Variants in ERMP1 observed in about 807,000 individuals in gnomAD.
The protein encoded by ERMP1 is Felix-ina.
In ERMP1, 86 loss-of-function variants were observed where a neutral mutation model predicts 92.0. The observed-to-expected ratio is 0.93, with a 90% confidence interval of 0.79 to 1.12. The LOEUF (loss-of-function observed/expected upper bound fraction) is 1.12. Ranked by LOEUF, ERMP1 falls within the 50% of genes most tolerant of loss-of-function variation. The pLI is 0.00. For synonymous variants in ERMP1, 530 were observed against 412.8 expected, an observed-to-expected ratio of 1.28 and a Z score of -3.44; for missense variants, 1,342 against 1,116.3, an observed-to-expected ratio of 1.20 and a Z score of -2.88.
chr9:5,841,861 T>A (rs1373953852), intron 6 of ERMP1, among the ~76,000 whole-genome samples: 2 of 151,902 alleles, frequency 1.3e-5, no homozygotes, highest in Non-Finnish European at 2.9e-5. Flanking sequence ...ATGGTGTGTC[T>A]GGAGTTTCTT....
At chr9:5,820,628 T>C (rs1829496729) in intron 4 of ERMP1, among the ~76,000 whole-genome samples, 1 of 152,122 alleles carries the variant, frequency 6.6e-6, no homozygotes, top group African/African-American at 2.4e-5. Flanking sequence ...CACTAAAAAC[T>C]CCCCAAATGA....
At chr9:5,844,039 G>A (rs1830203631) in intron 6 of ERMP1, among the ~76,000 whole-genome samples, 1 of 152,100 alleles carries the variant, frequency 6.6e-6, no homozygotes, top group African/African-American at 2.4e-5. Context: ...AAGTATGATG[G>A]CATTTCCGGG....
At position 5,810,092 on chromosome 9, in the gene ERMP1, A is replaced by G; in HGVS notation, c.1467T>C (p.Tyr489=). 1 of 1,614,056 alleles carries G rather than the reference A, an allele frequency of 6.2e-7. No homozygotes were observed. The highest frequency in any genetic ancestry group is 8.5e-7 in the Non-Finnish European group (1 of 1,179,904). The change falls in exon 8 of 15, where the codon TAT becomes TAC. Residue 489 remains tyrosine, a synonymous_variant. Transcript: ENST00000339450. ...CAGTTCCATACAGACAAACGGAGAC[A>G]TAGAAGTGGTTATACCATGAGAGAG... The part of the protein sequence containing the change: ...GQSLSWYNHF[Y]VSVCLYGTAT...
intron 4 of ERMP1, among the ~76,000 whole-genome samples, chr9:5,817,420 C>T (rs987721403): frequency 6.6e-6 from 1 of 151,780 alleles, no homozygotes; most frequent in Non-Finnish European, 1.5e-5. Context: ...GAACTCCTGA[C>T]CTCAGGTGAT....
At chr9:5,810,268 T>C in intron 7 of ERMP1, 37 bp from the exon 8 acceptor site, 1 of 1,497,970 alleles carries the variant, frequency 6.7e-7, no homozygotes, top group Non-Finnish European at 9.3e-7. Flanking sequence ...AATCACCATC[T>C]TCATCAAATC....
intron 8 of ERMP1, among the ~76,000 whole-genome samples, chr9:5,806,460 C>A (rs1241163433): frequency 2.0e-5 from 3 of 150,212 alleles, no homozygotes; most frequent in Admixed American, 2.0e-4. Context: ...CAGGTTCTCG[C>A]TCTGTCGCCT....
chr9:5,832,683 C>G lies in ERMP1; in HGVS notation c.338+7G>C. 1 of 1,428,834 alleles carries G rather than the reference C, an allele frequency of 7.0e-7. No individual in the cohort carries two copies. Among genetic ancestry groups the G allele is most frequent in the Non-Finnish European group, 9.1e-7 (1 of 1,097,724 alleles). 88.5% of individuals were successfully genotyped at this position (1,428,834 alleles called of 1,614,324 possible). A position where few individuals can be genotyped will look rare whatever the true frequency, so the allele number is the denominator to read the frequency against. ...CGCGGGCCGTGCCAGGAGGGAGCGG[C>G]CGGTACCTGGCTTGGAGCGCGTCGA... On this transcript the variant is annotated splice_region_variant and intron_variant, in intron 1 of 14. Coordinates refer to ENST00000339450, the MANE Select transcript of ERMP1 (RefSeq NM_024896.3).
chr9:5,809,272 A>G (rs956072040), intron 8 of ERMP1, among the ~76,000 whole-genome samples: 56 of 152,184 alleles, frequency 3.7e-4, no homozygotes, highest in Admixed American at 1.0e-3. Flanking sequence ...CGCCCACCTC[A>G]GCCTCCCAAA....
In ERMP1 at chr9:5,787,038, A is replaced by T. The variant is rs1827968263; in HGVS notation, c.*106T>A. On this transcript the variant is annotated 3_prime_UTR_variant, in exon 15 of 15. Coordinates refer to ENST00000339450, the MANE Select transcript of ERMP1 (RefSeq NM_024896.3). ...ACCCAGAAAGCTCTTTGAACATATG[A>T]TCATTAAAATTCATTGACTTACGTT... 1.7e-6 allele frequency: 2 copies of T among 1,159,592 alleles called. No individual in the cohort carries two copies. 71.8% of individuals were successfully genotyped at this position (1,159,592 alleles called of 1,614,324 possible).
At position 5,850,108 on chromosome 9, in the gene ERMP1, G is replaced by C. The variant is rs183948825; in HGVS notation, n.3199+9360C>G. Reference sequence around the variant, plus strand: ...TGTTATCAGAGCAGGCCAGGGCCCAGGTCTCCCCCCCTTTACACTCTGTGG... The same window carrying C: ...TGTTATCAGAGCAGGCCAGGGCCCACGTCTCCCCCCCTTTACACTCTGTGG... On this transcript the variant is annotated intron_variant and non_coding_transcript_variant, in intron 6 of 6. Coordinates refer to the ERMP1 transcript ENST00000690753. Among the ~76,000 whole-genome samples, 7 of 152,262 alleles carry C rather than the reference G, an allele frequency of 4.6e-5. No individual in the cohort carries two copies. In the East Asian group the frequency reaches 1.3e-3, roughly 29 times the overall value.
chr9:5,789,846 CCTT>C (rs2131197450), intron 13 of ERMP1, among the ~76,000 whole-genome samples: 1 of 96,654 alleles, frequency 1.0e-5, no homozygotes, highest in East Asian at 4.8e-4. Context: ...ACAAACCTGG[CCTT>C]TTTTTTTTTT....
intron 11 of ERMP1, among the ~76,000 whole-genome samples, chr9:5,799,479 C>G (rs1049310756): frequency 6.6e-6 from 1 of 152,066 alleles, no homozygotes; most frequent in Admixed American, 6.6e-5. Flanking sequence ...TTTGAAATAA[C>G]TTTATTCACG....
rs1829684360 is a variant in ERMP1 at position 5,825,094 on chromosome 9, G to A, written c.766C>T (p.Gln256Ter). The stretch of plus-strand genomic sequence containing the variant: ...TATTTAAAACAGTAAAATCTCACTT[G>A]CAAGACATTTTCCTCAGCACCATTA... The part of the protein sequence containing the change: ...LFNGAEENVL[Q>*]ASHGFITQHP... The change falls in exon 3 of 15, where the codon CAA becomes TAA. Residue 256 changes from glutamine to a stop codon, truncating the protein, a stop_gained and splice_region_variant. Coordinates refer to ENST00000339450, the MANE Select transcript of ERMP1 (RefSeq NM_024896.3). LOFTEE classifies it high-confidence loss of function. 6.2e-7 allele frequency: 1 copy of A among 1,613,424 alleles called. No individual in the cohort carries two copies. Among genetic ancestry groups the A allele is most frequent in the African/African-American group, 1.3e-5 (1 of 74,870 alleles).
intron 5 of ERMP1, among the ~76,000 whole-genome samples, chr9:5,860,248 T>C (rs1326167457): frequency 6.7e-6 from 1 of 149,852 alleles, no homozygotes; most frequent in Non-Finnish European, 1.5e-5. Context: ...GAGGTTGCAG[T>C]AAGCTGTAAT....
intron 1 of ERMP1, among the ~76,000 whole-genome samples, chr9:5,832,121 C>T (rs1160882435): frequency 6.6e-6 from 1 of 151,680 alleles, no homozygotes; most frequent in Admixed American, 6.6e-5. Context: ...TACACAGTCA[C>T]TAATCCAAGG....
rs182232553 is a variant in ERMP1, at chr9:5,814,640, G to C, written c.875-1605C>G. 2.0e-5 allele frequency among the ~76,000 whole-genome samples: 3 copies of C among 152,316 alleles called. No individual in the cohort carries two copies. In the East Asian group the frequency reaches 5.8e-4, roughly 29 times the overall value. On this transcript the variant is annotated intron_variant, in intron 4 of 14. Coordinates refer to ENST00000339450, the MANE Select transcript of ERMP1 (RefSeq NM_024896.3). ...AGCTGCTCAGGAGGCTGAGGCAGGA[G>C]AATTGCTTAGACCTGTGAGGTGAAG...
intron 13 of ERMP1, among the ~76,000 whole-genome samples, chr9:5,792,644 C>T (rs1164870231): frequency 6.6e-6 from 1 of 151,952 alleles, no homozygotes; most frequent in African/African-American, 2.4e-5. Flanking sequence ...AGTGAAGGAG[C>T]AGGAAAAAAA....
chr9:5,797,072 GCT>G (rs1828456750), intron 13 of ERMP1, among the ~76,000 whole-genome samples: 1 of 152,046 alleles, frequency 6.6e-6, no homozygotes, highest in East Asian at 1.9e-4. Flanking sequence ...ACAGGGTCTT[GCT>G]CTGTCACCCA....
At chr9:5,810,706 T>G (rs1357717100) in intron 7 of ERMP1, among the ~76,000 whole-genome samples, 1 of 152,148 alleles carries the variant, frequency 6.6e-6, no homozygotes, top group Non-Finnish European at 1.5e-5. Context: ...ACACAACAAC[T>G]TAGACTCTGA....
Sources: allele counts gnomAD v4.1 joint callset (sites outside exome capture counted in the v4.1 genomes callset), GRCh38; gene constraint gnomAD v4.1.1; transcripts MANE v1.5; gene names NCBI Gene and HGNC (gene_info 2026-07-23, HGNC 2026-07-21).